The following CCDC60 variants were observed in gnomAD, a reference collection of about 807,000 sequenced individuals.
The protein encoded by CCDC60 is coiled-coil domain containing 60, also known as coiled-coil domain-containing protein 60.
In CCDC60, 54 loss-of-function variants were observed where a neutral mutation model predicts 63.5. The observed-to-expected ratio is 0.85, with a 90% CI of 0.68 to 1.07. The LOEUF is 1.07. Among genes scored for constraint, CCDC60 ranks in the 50% least tolerant of loss-of-function variants. The pLI, the probability that CCDC60 is intolerant of heterozygous loss-of-function variation, is 0.00. For synonymous variants in CCDC60, 206 were observed against 238.8 expected (o/e 0.86, Z 1.27); for missense variants, 651 against 684.3 (o/e 0.95, Z 0.54).
intron 1 of CCDC60, among the ~76,000 whole-genome samples, chr12:119,348,380 G>C (rs1379203732): frequency 6.6e-6 from 1 of 152,074 alleles, no homozygotes; most frequent in Non-Finnish European, 1.5e-5. Context: ...AGCCTTCCCA[G>C]TCCCCTGTTC....
At chr12:119,524,393 CTT>C (rs1952621935) in intron 11 of CCDC60, 1 of 971,552 alleles carries the variant, frequency 1.0e-6, no homozygotes, top group African/African-American at 1.8e-5. Context: ...CCCTTTCTAG[CTT>C]ACTCCTTGAC....
At position 119,517,154 on chromosome 12, in the gene CCDC60, AT is replaced by A. The variant is rs368465580; in HGVS notation, c.968+457del. ...AGGCACACACCACCACATCTGGCTA[AT>A]TTTTTTTTTATTATTATTTTGTAGA... is the stretch of plus-strand genomic sequence containing the variant. On this transcript the variant is annotated intron_variant, in intron 8 of 13. Transcript: ENST00000327554. Among the ~76,000 whole-genome samples, 1,333 of 149,486 alleles carry A rather than the reference AT, an allele frequency of 8.9e-3. 14 individuals are homozygous for A. Among genetic ancestry groups the A allele is most frequent in the African/African-American group, 0.031 (1,244 of 40,742 alleles).
At chr12:119,520,042 C>A in intron 8 of CCDC60, 79 bp from the exon 9 acceptor site, 3 of 1,192,282 alleles carry the variant, frequency 2.5e-6, no homozygotes, top group Non-Finnish European at 3.7e-6. Flanking sequence ...AAGAGAATTC[C>A]CCCTCCTCCC....
chr12:119,346,100 C>T (rs1486183065), intron 1 of CCDC60, among the ~76,000 whole-genome samples: 1 of 150,098 alleles, frequency 6.7e-6, no homozygotes, highest in Non-Finnish European at 1.5e-5. Flanking sequence ...GCTGGGATTA[C>T]AGGTGTGAGC....
chr12:119,359,637 A>T (rs375978923), intron 1 of CCDC60, among the ~76,000 whole-genome samples: 1 of 151,836 alleles, frequency 6.6e-6, no homozygotes, highest in Non-Finnish European at 1.5e-5. Context: ...CAGATAAACA[A>T]GTGAACAAAG....
intron 4 of CCDC60, among the ~76,000 whole-genome samples, chr12:119,483,489 G>C (rs747429854): frequency 2.0e-5 from 3 of 152,230 alleles, no homozygotes; most frequent in Non-Finnish European, 4.4e-5. Context: ...TTCCCTCCTA[G>C]ATGACTGGGC....
chr12:119,391,565 C>T (rs1593015296), intron 1 of CCDC60, among the ~76,000 whole-genome samples: 1 of 152,214 alleles, frequency 6.6e-6, no homozygotes, highest in South Asian at 2.1e-4. Flanking sequence ...CAATAATAAC[C>T]TCTACCGGAA....
Position 119,356,467 on chromosome 12 carries a change from A to T in CCDC60, c.90+21201A>T, listed in dbSNP as rs529770692. 8.8e-4 allele frequency among the ~76,000 whole-genome samples: 134 copies of T among 152,210 alleles called. 1 individual carries two copies. The highest frequency in any genetic ancestry group is 3.2e-3 in the African/African-American group (131 of 41,520). ...TCTAATGCCATATTTCTTTCTAGAGACTTTAGCAAAGAACTCATGTCAATC... is the reference window on the plus strand; with the variant it reads ...TCTAATGCCATATTTCTTTCTAGAGTCTTTAGCAAAGAACTCATGTCAATC... On this transcript the variant is annotated intron_variant, in intron 1 of 13. Transcript: ENST00000327554.
chr12:119,450,518 A>G (rs1157953251), intron 2 of CCDC60, among the ~76,000 whole-genome samples: 1 of 152,180 alleles, frequency 6.6e-6, no homozygotes, highest in African/African-American at 2.4e-5. Flanking sequence ...GAAGAAGTGC[A>G]TGGCTGTGCA....
Position 119,437,138 on chromosome 12 carries a change from TTAA to T in CCDC60, c.170+8379_170+8381del, listed in dbSNP as rs1262667189. Among the ~76,000 whole-genome samples the T allele has an allele frequency of 2.6e-5, 4 of 152,320 alleles. No individual in the cohort carries two copies. The East Asian group carries it at 7.7e-4, about 29-fold the overall frequency. On this transcript the variant is annotated intron_variant, in intron 2 of 13. Coordinates refer to ENST00000327554, the MANE Select transcript of CCDC60 (RefSeq NM_178499.5). ...GGGCTTCTTTTTGCATTAATAGTGTTTAATAGTGTTAATCATGGTCACTTTGAG... is the reference window on the plus strand; with the variant it reads ...GGGCTTCTTTTTGCATTAATAGTGTTTAGTGTTAATCATGGTCACTTTGAG...
chr12:119,383,580 G>C (rs4131868), intron 1 of CCDC60, among the ~76,000 whole-genome samples: 11,543 of 152,304 alleles, frequency 0.076, 513 homozygotes, highest in Middle Eastern at 0.15. Flanking sequence ...GAAGGAGCCA[G>C]GATAGAGAAA....
intron 1 of CCDC60, among the ~76,000 whole-genome samples, chr12:119,360,171 C>T (rs1437802413): frequency 6.6e-6 from 1 of 150,704 alleles, no homozygotes; most frequent in Admixed American, 6.6e-5. Context: ...GGCTGACCCC[C>T]CCCCACCTCC....
At chr12:119,378,969 G>T (rs754370799) in intron 1 of CCDC60, among the ~76,000 whole-genome samples, 1 of 152,164 alleles carries the variant, frequency 6.6e-6, no homozygotes, top group South Asian at 2.1e-4. Flanking sequence ...AACACATTCT[G>T]GTGGGTCTGG....
intron 2 of CCDC60, chr12:119,447,669 A>G (rs1950565878): frequency 6.6e-6 from 1 of 152,290 alleles, no homozygotes; most frequent in African/African-American, 2.4e-5. Context: ...CGAAAAAAAC[A>G]TATTGAACCG....
At chr12:119,485,134 C>T (rs1212797492) in intron 4 of CCDC60, among the ~76,000 whole-genome samples, 1 of 152,232 alleles carries the variant, frequency 6.6e-6, no homozygotes. Flanking sequence ...CATCACCTCA[C>T]CCTCACTCTC....
At chr12:119,476,808 C>G (rs1294149923) in intron 3 of CCDC60, among the ~76,000 whole-genome samples, 1 of 152,214 alleles carries the variant, frequency 6.6e-6, no homozygotes, top group African/African-American at 2.4e-5. Flanking sequence ...CTTTCTTACT[C>G]ATGACATGGC....
intron 7 of CCDC60, among the ~76,000 whole-genome samples, chr12:119,507,519 T>C (rs1237778232): frequency 1.3e-4 from 12 of 94,572 alleles, no homozygotes; most frequent in African/African-American, 4.0e-4. Context: ...TATATATACA[T>C]ATATATACAC....
intron 1 of CCDC60, among the ~76,000 whole-genome samples, chr12:119,399,269 C>G (rs1310021652): frequency 6.6e-6 from 1 of 152,146 alleles, no homozygotes; most frequent in African/African-American, 2.4e-5. Flanking sequence ...ATGGGGTGCT[C>G]AAAAGGAGAT....
chr12:119,410,150 T>C lies in CCDC60; in HGVS notation c.91-18533T>C, dbSNP rs1956567180. Among the ~76,000 whole-genome samples the C allele has an allele frequency of 1.3e-5, 2 of 151,548 alleles. No homozygotes were observed. The highest frequency in any genetic ancestry group is 4.9e-5 in the African/African-American group (2 of 41,178). ...ACACAAACAGTGCTACCATGTGTAT[T>C]TGTGTGAAAGGTAGATGCTAGTGTT... On this transcript the variant is annotated intron_variant, in intron 1 of 13. Transcript: ENST00000327554. The surrounding 1 kb of genome is among the most constrained non-coding windows in gnomAD (Gnocchi z 4.0).
Sources: allele counts gnomAD v4.1 joint callset (sites outside exome capture counted in the v4.1 genomes callset), GRCh38; gene constraint gnomAD v4.1.1; non-coding constraint Gnocchi (gnomAD v3.1); transcripts MANE v1.5; gene names NCBI Gene and HGNC (gene_info 2026-07-23, HGNC 2026-07-21).